NAA16: variants seen among roughly 807,000 people sequenced by gnomAD.
The protein encoded by NAA16 is N-alpha-acetyltransferase 16, NatA auxiliary subunit, also known as NARG1-like protein.
Under a neutral mutation model 110.3 loss-of-function variants are expected in NAA16, and 97 were observed. The ratio of observed to expected loss-of-function variants is 0.88; its 90% confidence interval spans 0.75 to 1.04. The LOEUF is 1.04. NAA16 is among the 50% of genes least tolerant of loss of function. The probability of loss-of-function intolerance (pLI) is 0.00; values close to 1 mark genes in which losing one functional copy is unlikely to be tolerated. For synonymous variants in NAA16, 372 were observed against 330.6 expected (o/e 1.13, Z -1.36); for missense variants, 1,017 against 1,005.1 (o/e 1.01, Z -0.16).
At chr13:41,336,784 C>T (rs911885588) in intron 9 of NAA16, 28 bp downstream of exon 9, 9 of 1,318,578 alleles carry the variant, frequency 6.8e-6, no homozygotes, top group Admixed American at 5.9e-5. Flanking sequence ...TTCAGATTTG[C>T]TATAGTCTTT....
chr13:41,368,684 G>A (rs1220417861), intron 14 of NAA16, among the ~76,000 whole-genome samples: 1 of 152,134 alleles, frequency 6.6e-6, no homozygotes, highest in Non-Finnish European at 1.5e-5. Context: ...AATTGCATCT[G>A]TACTGAACAT....
chr13:41,372,379 T>C, intron 16 of NAA16, 68 bp downstream of exon 16: 1 of 1,460,080 alleles, frequency 6.8e-7, no homozygotes. Context: ...GTGTAATCTT[T>C]GTCAGATCTA....
At chr13:41,361,833 T>G (rs73475126) in intron 12 of NAA16, among the ~76,000 whole-genome samples, 198 bp from the exon 13 acceptor site, 13,167 of 152,284 alleles carry the variant, frequency 0.086, 661 homozygotes, top group East Asian at 0.2. Flanking sequence ...CGACTGTGGG[T>G]AACTGAAACC....
intron 9 of NAA16, among the ~76,000 whole-genome samples, chr13:41,345,384 T>C (rs570432111): frequency 6.6e-6 from 1 of 152,370 alleles, no homozygotes; most frequent in African/African-American, 2.4e-5. Context: ...ATAGTGGGTG[T>C]GAAATGGTAA....
At position 41,324,058 on chromosome 13, in the gene NAA16, A is replaced by C. The variant is rs531236710; in HGVS notation, c.537+868A>C. On this transcript the variant is annotated intron_variant, in intron 5 of 19. Coordinates refer to ENST00000379406, the MANE Select transcript of NAA16 (RefSeq NM_024561.5). ...CTCCTTTGCATTCTGTTTTCTAGAA[A>C]TTTGTTGAAATCTTAAATAGTATCT... is the stretch of plus-strand genomic sequence containing the variant. Among the ~76,000 whole-genome samples the C allele has an allele frequency of 3.2e-4, 49 of 152,226 alleles. 1 individual carries two copies. In the Middle Eastern group the frequency reaches 0.02, roughly 63 times the overall value.
At chr13:41,368,403 G>A (rs529545178) in intron 14 of NAA16, among the ~76,000 whole-genome samples, 2 of 152,158 alleles carry the variant, frequency 1.3e-5, no homozygotes, top group Admixed American at 6.5e-5. Flanking sequence ...ATACTGAGAA[G>A]GACAAAGTGA....
At chr13:41,368,972 T>G (rs1593529328) in intron 14 of NAA16, 118 bp from the exon 15 acceptor site, 1 of 753,142 alleles carries the variant, frequency 1.3e-6, no homozygotes, top group Non-Finnish European at 2.1e-6. Context: ...GGGGTGGGGG[T>G]CATGAACCAA....
At chr13:41,365,465 C>T (rs943479026) in intron 13 of NAA16, among the ~76,000 whole-genome samples, 5 of 152,010 alleles carry the variant, frequency 3.3e-5, no homozygotes, top group Admixed American at 2.6e-4. Context: ...AAATTCAACC[C>T]GAGATTATTT....
At chr13:41,355,508 C>T (rs1252857609) in intron 10 of NAA16, among the ~76,000 whole-genome samples, 1 of 152,198 alleles carries the variant, frequency 6.6e-6, no homozygotes, top group Non-Finnish European at 1.5e-5. Flanking sequence ...TGGCTCACTG[C>T]AACCTCCGCC....
chr13:41,366,613 T>G (rs1246711019), intron 13 of NAA16, among the ~76,000 whole-genome samples: 1 of 152,152 alleles, frequency 6.6e-6, no homozygotes, highest in Non-Finnish European at 1.5e-5. Context: ...CCATTGAAAA[T>G]TGGATGAAAG....
At position 41,375,497 on chromosome 13, in the gene NAA16, G is replaced by C. The variant is rs1205049554; in HGVS notation, c.2490G>C (p.Leu830=). 1 of 1,614,046 alleles carries C rather than the reference G, an allele frequency of 6.2e-7. No individual in the cohort carries two copies. The highest frequency in any genetic ancestry group is 1.7e-5 in the Admixed American group (1 of 60,016). Residue 830 remains leucine, a synonymous_variant, in exon 20 of 20, where the codon CTG becomes CTC. Transcript: ENST00000379406. ...YEEYRMACHN[L]LPFTSAFLPA... ...AATATAGGATGGCCTGTCATAACCT[G>C]CTTCCTTTTACATCTGCCTTCTTGC...
intron 14 of NAA16, among the ~76,000 whole-genome samples, chr13:41,368,768 A>G (rs182377545): frequency 1.7e-3 from 261 of 152,336 alleles, no homozygotes; most frequent in Middle Eastern, 3.4e-3. Flanking sequence ...CATAGCATTT[A>G]CATTATTTTA....
chr13:41,327,426 C>T (rs2042121835), intron 6 of NAA16, among the ~76,000 whole-genome samples: 2 of 147,142 alleles, frequency 1.4e-5, no homozygotes. Flanking sequence ...GAAATGCATT[C>T]AATATAATCC....
chr13:41,375,737 A>G lies in NAA16; in HGVS notation c.*135A>G. The G allele has an allele frequency of 1.5e-6, 1 of 651,630 alleles. No homozygotes were observed. The highest frequency in any genetic ancestry group is 2.5e-6 in the Non-Finnish European group (1 of 404,636). The allele number at this position is 651,630 out of a possible 1,614,324, so 40.4% of individuals were successfully genotyped here. A position where few individuals can be genotyped will look rare whatever the true frequency, so the allele number is the denominator to read the frequency against. On this transcript the variant is annotated 3_prime_UTR_variant, in exon 20 of 20. Transcript: ENST00000379406. ...TTTAAATGGCATATTCTGTAAGCTT[A>G]TTTTGTTCTTTACCCGACCTGCCAA... is the stretch of plus-strand genomic sequence containing the variant.
intron 9 of NAA16, among the ~76,000 whole-genome samples, chr13:41,341,915 TCCA>T (rs1441172187): frequency 6.7e-6 from 1 of 150,108 alleles, no homozygotes; most frequent in Non-Finnish European, 1.5e-5. Context: ...CACTGCAAGC[TCCA>T]CCTCCTGGGT....
At chr13:41,375,286 CATT>C (rs1295126614) in intron 19 of NAA16, 116 bp from the exon 20 acceptor site, 2 of 647,744 alleles carry the variant, frequency 3.1e-6, no homozygotes, top group Non-Finnish European at 5.1e-6. Context: ...GATTGTAAGG[CATT>C]ATTTTAGACT....
At chr13:41,325,434 T>C (rs1319464728) in intron 5 of NAA16, among the ~76,000 whole-genome samples, 2 of 152,150 alleles carry the variant, frequency 1.3e-5, no homozygotes, top group Non-Finnish European at 2.9e-5. Flanking sequence ...TTTTTGTAGA[T>C]TCTATAGTAT....
chr13:41,372,562 T>G (rs761360916), intron 16 of NAA16, 170 bp from the exon 17 acceptor site: 508 of 985,300 alleles, frequency 5.2e-4, no homozygotes, highest in Non-Finnish European at 6.0e-4. Context: ...TTCAAGCTTT[T>G]CTTTAGAAAG....
intron 5 of NAA16, among the ~76,000 whole-genome samples, chr13:41,323,762 G>A (rs2042011177): frequency 6.6e-6 from 1 of 152,018 alleles, no homozygotes; most frequent in South Asian, 2.1e-4. Context: ...TGGGATTACA[G>A]GCATGAGCCA....
Sources: allele counts gnomAD v4.1 joint callset (sites outside exome capture counted in the v4.1 genomes callset), GRCh38; gene constraint gnomAD v4.1.1; transcripts MANE v1.5; gene names NCBI Gene and HGNC (gene_info 2026-07-23, HGNC 2026-07-21).